RBFOX1: variants seen among roughly 807,000 people sequenced by gnomAD.
The protein encoded by RBFOX1 is RNA binding protein fox-1 homolog 1.
Under a neutral mutation model 57.7 loss-of-function variants are expected in RBFOX1, and 8 were observed. That is an observed-to-expected ratio of 0.14 (90% CI 0.08 to 0.25). The LOEUF is 0.25. RBFOX1 is among the 10% of genes least tolerant of loss of function. RBFOX1 has a pLI of 1.00. For synonymous variants in RBFOX1, 326 were observed against 222.4 expected (o/e 1.47, Z -4.15); for missense variants, 611 against 548.5 (o/e 1.11, Z -1.14).
At chr16:6,714,205 G>A (rs746646045) in intron 3 of RBFOX1, among the ~76,000 whole-genome samples, 1 of 152,148 alleles carries the variant, frequency 6.6e-6, no homozygotes, top group Non-Finnish European at 1.5e-5. Flanking sequence ...TGCCAAGATT[G>A]TAGGTTTCCT....
At chr16:5,798,993 G>A (rs2054971330) in intron 3 of RBFOX1, among the ~76,000 whole-genome samples, 1 of 152,074 alleles carries the variant, frequency 6.6e-6, no homozygotes, top group Admixed American at 6.5e-5. Context: ...CTCTGCAAAA[G>A]GGCTTATTAG....
At chr16:5,350,542 C>G (rs1464573793) in intron 1 of RBFOX1, among the ~76,000 whole-genome samples, 2 of 152,126 alleles carry the variant, frequency 1.3e-5, no homozygotes, top group Non-Finnish European at 2.9e-5. Flanking sequence ...CAATTGGCTC[C>G]CACTTCTAGA....
At chr16:6,526,225 A>AC (rs576339190) in intron 2 of RBFOX1, among the ~76,000 whole-genome samples, 1 of 152,190 alleles carries the variant, frequency 6.6e-6, no homozygotes, top group East Asian at 1.9e-4. Flanking sequence ...GAGGGGGCTC[A>AC]CCCCAATGTT....
At chr16:6,370,135 G>A (rs933278645) in intron 2 of RBFOX1, among the ~76,000 whole-genome samples, 1 of 151,984 alleles carries the variant, frequency 6.6e-6, no homozygotes, top group African/African-American at 2.4e-5. Context: ...GAGGCAGGCG[G>A]ATCATGAGAT....
chr16:7,439,840 T>C (rs909843009), intron 4 of RBFOX1, among the ~76,000 whole-genome samples: 1 of 151,986 alleles, frequency 6.6e-6, no homozygotes, highest in African/African-American at 2.4e-5. Context: ...ATGATCTAGG[T>C]GGAAAAGAGA....
intron 4 of RBFOX1, among the ~76,000 whole-genome samples, chr16:5,949,049 G>A (rs1057159924): frequency 6.6e-6 from 1 of 152,028 alleles, no homozygotes; most frequent in South Asian, 2.1e-4. Context: ...ATTATGGGGG[G>A]TGTACTCTTT....
At chr16:6,197,805 C>T (rs1051543601) in intron 1 of RBFOX1, among the ~76,000 whole-genome samples, 1 of 152,060 alleles carries the variant, frequency 6.6e-6, no homozygotes, top group Non-Finnish European at 1.5e-5. Flanking sequence ...CACCCTCCAT[C>T]CTCCACCCTC....
intron 1 of RBFOX1, among the ~76,000 whole-genome samples, chr16:6,213,514 A>G (rs979004572): frequency 1.3e-5 from 2 of 152,026 alleles, no homozygotes; most frequent in African/African-American, 4.8e-5. Context: ...ACTCTAACAG[A>G]CCCTGGCGGC....
At chr16:6,022,402 C>T (rs1480355152) in intron 1 of RBFOX1, among the ~76,000 whole-genome samples, 1 of 152,084 alleles carries the variant, frequency 6.6e-6, no homozygotes, top group Non-Finnish European at 1.5e-5. Context: ...ATTTTGTGGC[C>T]AGGTGCAGTG....
chr16:6,158,970 T>G (rs1186592993), intron 1 of RBFOX1, among the ~76,000 whole-genome samples: 1 of 152,002 alleles, frequency 6.6e-6, no homozygotes, highest in African/African-American at 2.4e-5. Context: ...TAGTGCACTC[T>G]CGGCTCACTG....
intron 4 of RBFOX1, among the ~76,000 whole-genome samples, chr16:7,463,446 G>T: frequency 6.6e-6 from 1 of 152,340 alleles, no homozygotes; most frequent in East Asian, 1.9e-4. Flanking sequence ...AGGGGTTGCA[G>T]TGAGCCAAGA....
intron 3 of RBFOX1, among the ~76,000 whole-genome samples, chr16:6,896,318 T>C (rs995502186): frequency 2.6e-5 from 4 of 152,224 alleles, no homozygotes; most frequent in African/African-American, 7.2e-5. Flanking sequence ...GTACACTCTT[T>C]TAGTTATTTT....
intron 2 of RBFOX1, among the ~76,000 whole-genome samples, chr16:6,601,669 A>T (rs1390286575): frequency 1.3e-5 from 2 of 152,158 alleles, no homozygotes; most frequent in African/African-American, 4.8e-5. Context: ...ATTAAAAAGA[A>T]CGTATAAGAG....
chr16:6,120,430 T>A (rs1376097330), intron 1 of RBFOX1, among the ~76,000 whole-genome samples: 2 of 152,170 alleles, frequency 1.3e-5, no homozygotes, highest in African/African-American at 4.8e-5. Context: ...TGTAAACAAA[T>A]TTCCTATGTT....
chr16:6,021,880 G>A (rs1489424556), intron 1 of RBFOX1, among the ~76,000 whole-genome samples: 1 of 152,224 alleles, frequency 6.6e-6, no homozygotes, highest in Non-Finnish European at 1.5e-5. Flanking sequence ...ATTTAGAACA[G>A]TTTGGCACAT....
chr16:7,209,789 C>T (rs537425481), intron 4 of RBFOX1, among the ~76,000 whole-genome samples: 141 of 152,150 alleles, frequency 9.3e-4, no homozygotes, highest in Middle Eastern at 6.8e-3. Context: ...TTGTGTTCAG[C>T]CAAATGTTGA....
At chr16:6,402,405 A>T (rs1420693870) in intron 2 of RBFOX1, among the ~76,000 whole-genome samples, 1 of 152,254 alleles carries the variant, frequency 6.6e-6, no homozygotes, top group Admixed American at 6.5e-5. Context: ...AAAAATGAAC[A>T]AACACATTTG....
Position 5,320,877 on chromosome 16 carries a change from A to G in RBFOX1, c.219+80772A>G, listed in dbSNP as rs62016152. 3.2e-3 allele frequency among the ~76,000 whole-genome samples: 492 copies of G among 152,322 alleles called. 4 individuals are homozygous for G. The highest frequency in any genetic ancestry group is 6.8e-3 in the Middle Eastern group (2 of 294). ...CTGTGTGTGCGCAGCTGAACCCACCATTACATTCTGTCTCCTGCTGTTGCC... is the reference window on the plus strand; with the variant it reads ...CTGTGTGTGCGCAGCTGAACCCACCGTTACATTCTGTCTCCTGCTGTTGCC... On this transcript the variant is annotated intron_variant, in intron 1 of 2. Transcript: ENST00000585867.
chr16:5,347,835 CACCT>C (rs1375152273), intron 1 of RBFOX1, among the ~76,000 whole-genome samples: 1 of 150,822 alleles, frequency 6.6e-6, no homozygotes, highest in Non-Finnish European at 1.5e-5. Flanking sequence ...CCCTTCCACC[CACCT>C]GTCAGCCCAT....
Sources: gnomAD v4.1 joint callset for allele counts (sites outside exome capture counted in the v4.1 genomes callset) on GRCh38, gnomAD v4.1.1 for gene constraint, MANE v1.5 for transcripts, NCBI Gene and HGNC (gene_info 2026-07-23, HGNC 2026-07-21) for gene names.